EFHD1: variants seen among roughly 807,000 people sequenced by gnomAD.
EFHD1 encodes EF-hand domain-containing protein D1.
Under a neutral mutation model 17.2 loss-of-function variants are expected in EFHD1, and 10 were observed. The ratio of observed to expected loss-of-function variants is 0.58; its 90% CI spans 0.36 to 0.99. The LOEUF is 0.99. Ranked by LOEUF, EFHD1 falls within the 50% of genes least tolerant of loss-of-function variation. EFHD1 has a pLI of 0.01. For missense variants in EFHD1, 310 were observed against 327.5 expected, an observed-to-expected ratio of 0.95 and a Z score of 0.41; for synonymous variants, 153 against 142.0, an observed-to-expected ratio of 1.08 and a Z score of -0.55.
chr2:232,613,133 A>G (rs1312187520), intron 1 of EFHD1, among the ~76,000 whole-genome samples: 2 of 151,256 alleles, frequency 1.3e-5, no homozygotes, highest in Non-Finnish European at 1.5e-5. Flanking sequence ...ATATGAAAGC[A>G]TATGTCCAGG....
chr2:232,635,981 C>G (rs888376634), intron 1 of EFHD1, among the ~76,000 whole-genome samples: 1 of 152,054 alleles, frequency 6.6e-6, no homozygotes, highest in East Asian at 1.9e-4. Flanking sequence ...CTGAGGAAAC[C>G]AAAAAGCCAT....
At chr2:232,680,706 A>C (rs1313809827) in intron 3 of EFHD1, among the ~76,000 whole-genome samples, 1 of 152,024 alleles carries the variant, frequency 6.6e-6, no homozygotes, top group Non-Finnish European at 1.5e-5. Flanking sequence ...ACAGGATTTC[A>C]CCATGTTGGC....
intron 1 of EFHD1, among the ~76,000 whole-genome samples, chr2:232,617,947 TA>T (rs144804383): frequency 0.67 from 96,950 of 145,782 alleles, 32,358 homozygotes; most frequent in East Asian, 0.84. Context: ...AGACTCAGTC[TA>T]AAAAAAAAAA....
chr2:232,633,758 G>A lies in EFHD1; in HGVS notation c.54G>A (p.Glu18=). 1.4e-6 allele frequency: 2 copies of A among 1,469,032 alleles called. No individual in the cohort carries two copies. The highest frequency in any genetic ancestry group is 8.9e-7 in the Non-Finnish European group (1 of 1,118,662). The allele number at this position is 1,469,032 out of a possible 1,614,324, so 91.0% of individuals were successfully genotyped here. A position where few individuals can be genotyped will look rare whatever the true frequency, so the allele number is the denominator to read the frequency against. The change falls in exon 1 of 4, where the codon GAG becomes GAA. Residue 18 remains glutamate, a synonymous_variant. Transcript: ENST00000264059. Reference sequence around the variant, plus strand: ...TGGAGCGCCGGCTGCGGCGCGAGGAGGCCGAGGAGAGTGGCCCCCAGCTGG... The same window carrying A: ...TGGAGCGCCGGCTGCGGCGCGAGGAAGCCGAGGAGAGTGGCCCCCAGCTGG... The part of the protein sequence containing the change: ...CKLERRLRRE[E]AEESGPQLAP...
chr2:232,681,984 A>G lies in EFHD1; in HGVS notation c.*265A>G. On this transcript the variant is annotated 3_prime_UTR_variant, in exon 4 of 4. Coordinates refer to ENST00000264059, the MANE Select transcript of EFHD1 (RefSeq NM_025202.4). ...TTATAGCCAGAACTTGTATCTTCTCAGCAACCTTCACTTTGTCCTTGTCCC... is the reference window on the plus strand; with the variant it reads ...TTATAGCCAGAACTTGTATCTTCTCGGCAACCTTCACTTTGTCCTTGTCCC... 2 of 421,300 alleles carry G rather than the reference A, an allele frequency of 4.7e-6. No individual in the cohort carries two copies. The highest frequency in any genetic ancestry group is 8.4e-6 in the Non-Finnish European group (2 of 237,288). The allele number at this position is 421,300 out of a possible 1,614,324, so 26.1% of individuals were successfully genotyped here.
At chr2:232,612,362 C>T (rs1395998289) in intron 1 of EFHD1, among the ~76,000 whole-genome samples, 1 of 152,092 alleles carries the variant, frequency 6.6e-6, no homozygotes, top group African/African-American at 2.4e-5. Flanking sequence ...AAAATATTCA[C>T]AATCTATGTA....
chr2:232,659,339 A>G (rs552506970), intron 1 of EFHD1, among the ~76,000 whole-genome samples: 10 of 151,566 alleles, frequency 6.6e-5, no homozygotes, highest in African/African-American at 2.4e-4. Context: ...CCACCAGAGG[A>G]AGGTGGTGAA....
chr2:232,657,052 T>A (rs1386799494), intron 1 of EFHD1, among the ~76,000 whole-genome samples: 1 of 152,232 alleles, frequency 6.6e-6, no homozygotes, highest in African/African-American at 2.4e-5. Flanking sequence ...AGTGCTGGGA[T>A]AACAGGCAAG....
intron 1 of EFHD1, chr2:232,606,293 G>T: frequency 8.2e-7 from 1 of 1,214,646 alleles, no homozygotes; most frequent in South Asian, 1.3e-5. Flanking sequence ...GCCACCGGAG[G>T]GCACTCCCGG....
chr2:232,619,193 A>T (rs1433327402), intron 1 of EFHD1, among the ~76,000 whole-genome samples: 1 of 94,748 alleles, frequency 1.1e-5, no homozygotes, highest in Non-Finnish European at 2.3e-5. Flanking sequence ...ATAAATAAAC[A>T]AACAAACAAA....
upstream of EFHD1, among the ~76,000 whole-genome samples, chr2:232,631,360 G>T (rs1180014468): frequency 6.6e-6 from 1 of 151,606 alleles, no homozygotes; most frequent in Admixed American, 6.6e-5. Context: ...GAGTGCAGTG[G>T]CATGATCATG....
At chr2:232,675,614 C>T (rs1444418959) in intron 3 of EFHD1, among the ~76,000 whole-genome samples, 1 of 152,104 alleles carries the variant, frequency 6.6e-6, no homozygotes, top group Non-Finnish European at 1.5e-5. Context: ...GCAGGGGAGC[C>T]GTTGAGTGTT....
intron 1 of EFHD1, among the ~76,000 whole-genome samples, chr2:232,622,862 G>C (rs1694045194): frequency 6.6e-6 from 1 of 152,078 alleles, no homozygotes; most frequent in African/African-American, 2.4e-5. Flanking sequence ...CAAAGCCTTG[G>C]CATGAGATAA....
chr2:232,642,234 T>C (rs1471071841), intron 1 of EFHD1, among the ~76,000 whole-genome samples: 2 of 151,544 alleles, frequency 1.3e-5, no homozygotes, highest in African/African-American at 4.8e-5. Flanking sequence ...AATACAAAAA[T>C]TAGCAGGGTG....
At chr2:232,622,489 G>A (rs1694034780) in intron 1 of EFHD1, among the ~76,000 whole-genome samples, 1 of 151,248 alleles carries the variant, frequency 6.6e-6, no homozygotes, top group South Asian at 2.1e-4. Context: ...GGGGGTGGGG[G>A]GGAAGACATC....
chr2:232,646,305 A>G (rs1443721807), intron 1 of EFHD1, among the ~76,000 whole-genome samples: 1 of 151,900 alleles, frequency 6.6e-6, no homozygotes, highest in Non-Finnish European at 1.5e-5. Context: ...CCCCCCACCC[A>G]GGCCTTGCTC....
chr2:232,676,282 C>T (rs955984412), intron 3 of EFHD1, among the ~76,000 whole-genome samples: 7 of 152,140 alleles, frequency 4.6e-5, no homozygotes, highest in Admixed American at 3.3e-4. Context: ...ACTTCAGGCA[C>T]GGGAAAGGCG....
chr2:232,668,468 C>T lies in EFHD1; in HGVS notation c.451-3841C>T, dbSNP rs373606038. On this transcript the variant is annotated intron_variant, in intron 2 of 3. Transcript: ENST00000264059. ...AAGGGACCCGTGAGGAGAGCTTTCCCTCATGTTTCCAGTTCATGAAGCCCG... is the reference window on the plus strand; with the variant it reads ...AAGGGACCCGTGAGGAGAGCTTTCCTTCATGTTTCCAGTTCATGAAGCCCG... 2.6e-5 allele frequency among the ~76,000 whole-genome samples: 4 copies of T among 152,110 alleles called. No individual in the cohort carries two copies. The East Asian group carries it at 7.7e-4, about 29-fold the overall frequency.
rs1243726056 is a variant in EFHD1, at chr2:232,613,668, ACACAAAT to A, written c.14+7496_14+7502del. Among the ~76,000 whole-genome samples the A allele has an allele frequency of 2.6e-3, 388 of 151,876 alleles. 3 individuals carry two copies. Among genetic ancestry groups the A allele is most frequent in the African/African-American group, 8.9e-3 (370 of 41,392 alleles). On this transcript the variant is annotated intron_variant, in intron 1 of 3. Transcript: ENST00000409613. ...CATACACACACACACAAATACACAC[ACACAAAT>A]ATACACACATACACAAATATACACA...
Sources: gnomAD v4.1 joint callset for allele counts (sites outside exome capture counted in the v4.1 genomes callset) on GRCh38, gnomAD v4.1.1 for gene constraint, MANE v1.5 for transcripts, NCBI Gene and HGNC (gene_info 2026-07-23, HGNC 2026-07-21) for gene names.